The following COL9A3 variants were observed in gnomAD, a reference collection of about 807,000 sequenced individuals.
The protein encoded by COL9A3 is collagen alpha-3(IX) chain.
In COL9A3, 82 loss-of-function variants were observed where a neutral mutation model predicts 110.2. The ratio of observed to expected loss-of-function variants is 0.74; its 90% confidence interval spans 0.62 to 0.89. The LOEUF (loss-of-function observed/expected upper bound fraction) is 0.89. COL9A3 is among the 40% of genes least tolerant of loss of function. The pLI is 0.00. For synonymous variants in COL9A3, 494 were observed against 403.8 expected, an observed-to-expected ratio of 1.22 and a Z score of -2.68; for missense variants, 1,066 against 981.3, an observed-to-expected ratio of 1.09 and a Z score of -1.15.
rs200601821 is a variant in COL9A3, at chr20:62,830,357, C to T, written c.1162-3C>T. On this transcript the variant is annotated splice_region_variant and splice_polypyrimidine_tract_variant and intron_variant, in intron 22 of 31. Transcript: ENST00000649368. ...CCGCTCACACCTCACCTTTGTCTTC[C>T]AGGGGGCCCTCGGCCCACAAGGCCC... The T allele has an allele frequency of 1.8e-5, 28 of 1,570,656 alleles. No individual in the cohort carries two copies. In the African/African-American group the frequency reaches 3.1e-4, roughly 17 times the overall value.
chr20:62,816,840 G>GCCGGAGAGAACGCGCCGCCCGC (rs1159422388), upstream of COL9A3, among the ~76,000 whole-genome samples: 2 of 152,132 alleles, frequency 1.3e-5, no homozygotes, highest in African/African-American at 4.8e-5. Context: ...TTAACTCGCG[G>GCCGGAGAGAACGCGCCGCCCGC]CCGGAGAGAA....
rs2063562936 is a variant in COL9A3 at position 62,827,382 on chromosome 20, T to G, written c.846+88T>G. The G allele has an allele frequency of 2.8e-6, 4 of 1,404,200 alleles. No individual in the cohort carries two copies. The Middle Eastern group carries it at 5.3e-4, about 187-fold the overall frequency. The allele number at this position is 1,404,200 out of a possible 1,614,324, so 87.0% of individuals were successfully genotyped here. A position where few individuals can be genotyped will look rare whatever the true frequency, so the allele number is the denominator to read the frequency against. On this transcript the variant is annotated intron_variant, in intron 16 of 31. Transcript: ENST00000649368. Reference sequence around the variant, plus strand: ...CTCGTGCTGGGGAGGGGGACACACTTGGGAGTGAGACTGCAAGGGGCTGCC... The same window carrying G: ...CTCGTGCTGGGGAGGGGGACACACTGGGGAGTGAGACTGCAAGGGGCTGCC...
rs977898091 is a variant in COL9A3, at chr20:62,817,597, C to A, written c.109C>A (p.Pro37Thr). The change falls in exon 2 of 32, where the codon CCA (proline) becomes ACA (threonine). Residue 37 changes from proline (P) to threonine (T), a missense_variant. Coordinates refer to ENST00000649368, the MANE Select transcript of COL9A3 (RefSeq NM_001853.4). ...GGGACTCCCCGGCCCCCCCGGCCCCCCAGGGCCGCCCGGGAAGCCCGGCCA... is the reference window on the plus strand; with the variant it reads ...GGGACTCCCCGGCCCCCCCGGCCCCACAGGGCCGCCCGGGAAGCCCGGCCA... ...RVGLPGPPGP[P>T]GPPGKPGQDG... The A allele has an allele frequency of 2.6e-6, 4 of 1,547,206 alleles. No homozygotes were observed. The African/African-American group carries it at 5.5e-5, about 21-fold the overall frequency.
chr20:62,828,899 G>A (rs372711123), intron 18 of COL9A3, 24 bp from the exon 19 acceptor site: 27 of 1,612,198 alleles, frequency 1.7e-5, no homozygotes, highest in African/African-American at 4.0e-5. Context: ...CTCCCCTTCC[G>A]CACCCCAATC....
chr20:62,817,419 G>T (rs1568746033), intron 1 of COL9A3, 148 bp from the exon 2 acceptor site: 1 of 607,910 alleles, frequency 1.6e-6, no homozygotes, highest in Non-Finnish European at 2.8e-6. Flanking sequence ...CTGCGCGGGG[G>T]CGCCGGGCTC....
At position 62,824,461 on chromosome 20, in the gene COL9A3, C is replaced by T. The variant is rs758354138; in HGVS notation, c.536C>T (p.Pro179Leu). The part of the protein sequence containing the change: ...ATDLQCPSIC[P>L]PGPPGPPGMP... ...TTCCGACAGTGCCCAAGTATCTGCC[C>T]GCCAGGTCCCCCAGGGCCCCCTGGA... The change falls in exon 11 of 32, where the codon CCG becomes CTG. Residue 179 changes from proline (P) to leucine (L), a missense_variant. Coordinates refer to ENST00000649368, the MANE Select transcript of COL9A3 (RefSeq NM_001853.4). The T allele has an allele frequency of 7.5e-6, 12 of 1,601,784 alleles. No homozygotes were observed. The highest frequency in any genetic ancestry group is 1.7e-5 in the Admixed American group (1 of 58,514).
intron 3 of COL9A3, 104 bp from the exon 4 acceptor site, chr20:62,819,118 A>G (rs1258030642): frequency 3.5e-6 from 4 of 1,137,388 alleles, no homozygotes; most frequent in Non-Finnish European, 5.2e-6. Flanking sequence ...CCCATCCCGT[A>G]TGGTTGGGCT....
Position 62,840,736 on chromosome 20 carries a change from T to C in COL9A3, c.*4T>C. The C allele has an allele frequency of 6.4e-7, 1 of 1,561,328 alleles. No homozygotes were observed. The highest frequency in any genetic ancestry group is 8.7e-7 in the Non-Finnish European group (1 of 1,151,942). ...ATCAGGCTCTCGAAGCTCATAAAAT[T>C]CAACGTGAGGAAGCAAGTGACAAGG... On this transcript the variant is annotated 3_prime_UTR_variant, in exon 32 of 32. Coordinates refer to ENST00000649368, the MANE Select transcript of COL9A3 (RefSeq NM_001853.4).
intron 11 of COL9A3, 94 bp from the exon 12 acceptor site, chr20:62,824,874 T>TG: frequency 6.7e-6 from 9 of 1,336,228 alleles, no homozygotes; most frequent in Non-Finnish European, 9.4e-6. Context: ...TGGCGGGCCC[T>TG]GGGCTGACTG....
At position 62,821,504 on chromosome 20, in the gene COL9A3, C is replaced by T. The variant is rs780322792; in HGVS notation, c.346-3C>T. 9.3e-6 allele frequency: 15 copies of T among 1,612,934 alleles called. No individual in the cohort carries two copies. Among genetic ancestry groups the T allele is most frequent in the Non-Finnish European group, 1.2e-5 (14 of 1,179,942 alleles). ...GGCTCTGACCCCATGTTTGGCTTTG[C>T]AGGGCAAAGGCCTCCCTGGACCCCC... On this transcript the variant is annotated splice_polypyrimidine_tract_variant and splice_region_variant and intron_variant, in intron 6 of 31. Coordinates refer to ENST00000649368, the MANE Select transcript of COL9A3 (RefSeq NM_001853.4).
intron 1 of COL9A3, chr20:62,817,365 A>C (rs1045185833): frequency 3.1e-5 from 16 of 520,868 alleles, no homozygotes; most frequent in Non-Finnish European, 4.6e-5. Flanking sequence ...CTGGGAGCAC[A>C]AGGGGGCCTT....
In COL9A3 at chr20:62,822,181, G is replaced by T; in HGVS notation, c.477+17G>T. 1 of 1,521,674 alleles carries T rather than the reference G, an allele frequency of 6.6e-7. No individual in the cohort carries two copies. The highest frequency in any genetic ancestry group is 9.1e-7 in the Non-Finnish European group (1 of 1,096,414). The allele number at this position is 1,521,674 out of a possible 1,614,324, so 94.3% of individuals were successfully genotyped here. A position where few individuals can be genotyped will look rare whatever the true frequency, so the allele number is the denominator to read the frequency against. On this transcript the variant is annotated intron_variant, in intron 9 of 31. Coordinates refer to ENST00000649368, the MANE Select transcript of COL9A3 (RefSeq NM_001853.4). The stretch of plus-strand genomic sequence containing the variant: ...GGACCCCCTGTAAGTACTGGGCAGA[G>T]GCTCTAAGAAGTGCTGGGCATGGAC...
intron 17 of COL9A3, among the ~76,000 whole-genome samples, chr20:62,828,469 T>C (rs1013916788): frequency 4.6e-5 from 7 of 152,166 alleles, no homozygotes; most frequent in Non-Finnish European, 1.0e-4. Context: ...CACCGTAAAA[T>C]GGGCCAGAAC....
intron 26 of COL9A3, among the ~76,000 whole-genome samples, chr20:62,834,712 A>T (rs556185932): frequency 6.6e-6 from 1 of 151,688 alleles, no homozygotes; most frequent in Admixed American, 6.6e-5. Context: ...GTGTGATCTC[A>T]GCTCACTGCA....
At position 62,829,457 on chromosome 20, in the gene COL9A3, C is replaced by G. The variant is rs750455042; in HGVS notation, c.1011C>G (p.Gly337=). The G allele has an allele frequency of 5.0e-6, 8 of 1,612,812 alleles. No individual in the cohort carries two copies. The highest frequency in any genetic ancestry group is 1.7e-5 in the Admixed American group (1 of 60,014). ...PGEKGPNGLP[G]LPGRAGSKGE... ...GACCGCAAGCTCTCTCCTGGCAGGG[C>G]CTCCCTGGACGAGCGGGGTCCAAAG... The change falls in exon 20 of 32, where the codon GGC becomes GGG. Residue 337 remains glycine (G), a splice_region_variant and synonymous_variant. Coordinates refer to ENST00000649368, the MANE Select transcript of COL9A3 (RefSeq NM_001853.4).
At chr20:62,835,977 A>T in intron 27 of COL9A3, 24 bp downstream of exon 27, 1 of 1,614,086 alleles carries the variant, frequency 6.2e-7, no homozygotes. Context: ...GACTGTTCCG[A>T]TGACACCATC....
Position 62,833,026 on chromosome 20 carries a change from G to C in COL9A3, c.1330G>C (p.Ala444Pro). 6.2e-7 allele frequency: 1 copy of C among 1,613,800 alleles called. No individual in the cohort carries two copies. Among genetic ancestry groups the C allele is most frequent in the Non-Finnish European group, 8.5e-7 (1 of 1,179,752 alleles). Residue 444 changes from alanine (A) to proline (P), a missense_variant, in exon 26 of 32, where the codon GCA becomes CCA. Physicochemically the swap from Ala to Pro is conservative, Grantham distance 27. Coordinates refer to ENST00000649368, the MANE Select transcript of COL9A3 (RefSeq NM_001853.4). Reference protein sequence around the residue: ...AAGPKGDQGIAGSDGLPGDKG... With the variant: ...AAGPKGDQGIPGSDGLPGDKG... Reference sequence around the variant, plus strand: ...TGGGGTGTATCGTTTTCAGGGTATTGCAGGTTCCGACGGTCTTCCTGGGGA... The same window carrying C: ...TGGGGTGTATCGTTTTCAGGGTATTCCAGGTTCCGACGGTCTTCCTGGGGA...
intron 30 of COL9A3, 89 bp downstream of exon 30, chr20:62,837,354 T>C: frequency 7.1e-7 from 1 of 1,418,296 alleles, no homozygotes; most frequent in African/African-American, 1.4e-5. Context: ...GTGCCTGCCA[T>C]GCGCCCTCAG....
rs576553606 is a variant in COL9A3, at chr20:62,817,467, T to C, written c.79-100T>C. 6.0e-6 allele frequency: 5 copies of C among 832,464 alleles called. No homozygotes were observed. The East Asian group carries it at 1.4e-4, about 24-fold the overall frequency. The allele number at this position is 832,464 out of a possible 1,614,324, so 51.6% of individuals were successfully genotyped here. A position where few individuals can be genotyped will look rare whatever the true frequency, so the allele number is the denominator to read the frequency against. On this transcript the variant is annotated intron_variant, in intron 1 of 31. Transcript: ENST00000649368. ...TGGGTCTCACCGAGGAGAGCGGCGG[T>C]CGTCGCAGGCCCCGGAGCCGCTCGG...
Sources: gnomAD v4.1 joint callset for allele counts (sites outside exome capture counted in the v4.1 genomes callset) on GRCh38, gnomAD v4.1.1 for gene constraint, MANE v1.5 for transcripts, NCBI Gene and HGNC (gene_info 2026-07-23, HGNC 2026-07-21) for gene names.